Variants in SLCO2B1 observed in about 807,000 individuals in gnomAD.
The protein encoded by SLCO2B1 is solute carrier organic anion transporter family member 2B1.
SLCO2B1 carries 41 observed loss-of-function variants against 67.3 expected under a neutral mutation model. The ratio of observed to expected loss-of-function variants is 0.61; its 90% CI spans 0.47 to 0.79. The LOEUF (loss-of-function observed/expected upper bound fraction) is 0.79, where lower values mean the gene tolerates loss of function less well. Ranked by LOEUF, SLCO2B1 falls within the 30% of genes least tolerant of loss-of-function variation. The pLI, the probability that SLCO2B1 is intolerant of heterozygous loss-of-function variation, is 0.00. For missense variants in SLCO2B1, 837 were observed against 920.1 expected, an observed-to-expected ratio of 0.91 and a Z score of 1.17; for synonymous variants, 379 against 381.4, an observed-to-expected ratio of 0.99 and a Z score of 0.07.
chr11:75,163,871 A>T, intron 2 of SLCO2B1, 92 bp from the exon 3 acceptor site: 1 of 1,408,086 alleles, frequency 7.1e-7, no homozygotes, highest in Non-Finnish European at 9.5e-7. Context: ...CTGTTTCCCC[A>T]TCTCTACTCC....
intron 4 of SLCO2B1, among the ~76,000 whole-genome samples, chr11:75,167,513 C>T (rs1320594544): frequency 6.6e-6 from 1 of 152,186 alleles, no homozygotes; most frequent in Non-Finnish European, 1.5e-5. Flanking sequence ...TCTCCAAACT[C>T]CCCTCCTGTT....
At chr11:75,162,223 A>T (rs1949829555) in intron 1 of SLCO2B1, among the ~76,000 whole-genome samples, 1 of 152,116 alleles carries the variant, frequency 6.6e-6, no homozygotes, top group South Asian at 2.1e-4. Flanking sequence ...TCCTAGACTG[A>T]GCCAGACAGT....
chr11:75,163,989 G>A lies in SLCO2B1; in HGVS notation c.174G>A (p.Leu58=). 1.2e-6 allele frequency: 2 copies of A among 1,603,296 alleles called. No homozygotes were observed. Among genetic ancestry groups the A allele is most frequent in the Non-Finnish European group, 1.7e-6 (2 of 1,175,114 alleles). Residue 58 remains leucine, a synonymous_variant, in exon 3 of 14, where the codon CTG becomes CTA. Coordinates refer to ENST00000289575, the MANE Select transcript of SLCO2B1 (RefSeq NM_007256.5). ...IKLFVLCHSL[L]QLAQLMISGY... is the part of the protein sequence containing the mutation. ...TGTTCGTTCTGTGCCACAGCCTGCT[G>A]CAGCTGGCGCAGCTCATGATCTCCG... is the stretch of plus-strand genomic sequence containing the variant.
intron 4 of SLCO2B1, 141 bp from the exon 5 acceptor site, chr11:75,169,032 A>T: frequency 1.5e-6 from 1 of 648,788 alleles, no homozygotes. Context: ...AAACAGGCAT[A>T]ATGAGAGCAC....
At chr11:75,156,928 G>A (rs2140301355) in intron 1 of SLCO2B1, 1 of 152,312 alleles carries the variant, frequency 6.6e-6, no homozygotes, top group South Asian at 2.1e-4. Flanking sequence ...TCTTGGCATT[G>A]GTGGGATTTA....
chr11:75,163,060 A>G lies in SLCO2B1; in HGVS notation c.147+275A>G, dbSNP rs1949841999. 4 of 279,942 alleles carry G rather than the reference A, an allele frequency of 1.4e-5. No homozygotes were observed. The South Asian group carries it at 2.4e-4, about 17-fold the overall frequency. 17.3% of individuals were successfully genotyped at this position (279,942 alleles called of 1,614,324 possible). A position where few individuals can be genotyped will look rare whatever the true frequency, so the allele number is the denominator to read the frequency against. On this transcript the variant is annotated intron_variant, in intron 2 of 13. Coordinates refer to ENST00000289575, the MANE Select transcript of SLCO2B1 (RefSeq NM_007256.5). ...CACCCCTTGTTTCCCACTTTCCCAGAGAAACAGAGAAGTGCCCTGGGGATC... is the reference window on the plus strand; with the variant it reads ...CACCCCTTGTTTCCCACTTTCCCAGGGAAACAGAGAAGTGCCCTGGGGATC...
At chr11:75,156,263 A>G (rs1254746975) in intron 1 of SLCO2B1, among the ~76,000 whole-genome samples, 4 of 152,210 alleles carry the variant, frequency 2.6e-5, no homozygotes, top group Non-Finnish European at 5.9e-5. Flanking sequence ...GGGGGAGTAC[A>G]AGACAACCTC....
Position 75,204,558 on chromosome 11 carries a change from A to C in SLCO2B1, c.2108A>C (p.Lys703Thr). The change falls in exon 14 of 14, where the codon AAG becomes ACG. Residue 703 changes from lysine to threonine, a missense_variant. Coordinates refer to ENST00000289575, the MANE Select transcript of SLCO2B1 (RefSeq NM_007256.5). ...QQLLVSGPGK[K>T]PEDSRV The stretch of plus-strand genomic sequence containing the variant: ...TTGCTAGTGTCGGGGCCAGGGAAGA[A>C]GCCAGAGGATTCCCGAGTGTGAGCT... 6.2e-7 allele frequency: 1 copy of C among 1,611,236 alleles called. No homozygotes were observed. The highest frequency in any genetic ancestry group is 8.5e-7 in the Non-Finnish European group (1 of 1,178,948).
At chr11:75,191,834 G>A (rs1235052901) in intron 8 of SLCO2B1, among the ~76,000 whole-genome samples, 16 of 152,156 alleles carry the variant, frequency 1.1e-4, no homozygotes, top group Admixed American at 5.2e-4. Flanking sequence ...AAATGTCCTT[G>A]ACACTTTCAC....
intron 2 of SLCO2B1, 113 bp from the exon 3 acceptor site, chr11:75,163,849 CT>C: frequency 7.9e-7 from 1 of 1,271,462 alleles, no homozygotes; most frequent in Admixed American, 2.3e-5. Context: ...CCCTCTGTCT[CT>C]TTCTGTGACT....
At chr11:75,157,280 T>C (rs1837166245) in intron 1 of SLCO2B1, among the ~76,000 whole-genome samples, 1 of 152,236 alleles carries the variant, frequency 6.6e-6, no homozygotes, top group African/African-American at 2.4e-5. Context: ...AGGAAAAATA[T>C]TGCTAATGAA....
At position 75,169,680 on chromosome 11, in the gene SLCO2B1, G is replaced by GGCTTTGTGTTGTAGGGATCC; in HGVS notation, c.697_698insGCTTTGTGTTGTAGGGATCC (p.Val233GlyfsTer5). The stretch of plus-strand genomic sequence containing the variant: ...TTGTGTTGTAGGGATCCTGTTTGCA[G>GGCTTTGTGTTGTAGGGATCC]TGACCATGATGGGGCCAGGCCTGGC... On this transcript the variant is annotated stop_gained and frameshift_variant, in exon 6 of 14. Coordinates refer to ENST00000289575, the MANE Select transcript of SLCO2B1 (RefSeq NM_007256.5). LOFTEE classifies it high-confidence loss of function. The GGCTTTGTGTTGTAGGGATCC allele has an allele frequency of 6.2e-7, 1 of 1,613,088 alleles. No individual in the cohort carries two copies. The highest frequency in any genetic ancestry group is 8.5e-7 in the Non-Finnish European group (1 of 1,179,520).
In SLCO2B1 at chr11:75,175,912, A is replaced by G. The variant is rs944216543; in HGVS notation, c.972+3343A>G. Among the ~76,000 whole-genome samples the G allele has an allele frequency of 2.6e-4, 39 of 152,270 alleles. 1 individual carries two copies. The highest frequency in any genetic ancestry group is 2.6e-4 in the Non-Finnish European group (18 of 68,016). On this transcript the variant is annotated intron_variant, in intron 7 of 13. Coordinates refer to ENST00000289575, the MANE Select transcript of SLCO2B1 (RefSeq NM_007256.5). ...AGCAGTCCCCACAGAGAAGAGCAGG[A>G]CATGGGATTGGGGGAGGCCATGCAG...
At chr11:75,187,688 T>A (rs1199792312) in intron 7 of SLCO2B1, among the ~76,000 whole-genome samples, 1 of 152,144 alleles carries the variant, frequency 6.6e-6, no homozygotes, top group Non-Finnish European at 1.5e-5. Flanking sequence ...GTGGTGGTGA[T>A]CATGACAGAG....
intron 10 of SLCO2B1, among the ~76,000 whole-genome samples, chr11:75,197,513 G>A (rs943732606): frequency 1.8e-4 from 27 of 152,232 alleles, no homozygotes; most frequent in African/African-American, 6.0e-4. Flanking sequence ...GTTCATGAAG[G>A]GAAGGCAGGG....
At chr11:75,166,647 A>G (rs558313456) in intron 4 of SLCO2B1, among the ~76,000 whole-genome samples, 1 of 150,984 alleles carries the variant, frequency 6.6e-6, no homozygotes, top group Non-Finnish European at 1.5e-5. Flanking sequence ...CTACTCATCC[A>G]TCTATTTATC....
intron 7 of SLCO2B1, among the ~76,000 whole-genome samples, chr11:75,180,919 A>G (rs536995358): frequency 2.2e-4 from 34 of 152,358 alleles, no homozygotes; most frequent in Admixed American, 9.8e-4. Context: ...AAAAATATAA[A>G]TAAGAGCGAA....
At chr11:75,169,046 C>G (rs1214815343) in intron 4 of SLCO2B1, 127 bp from the exon 5 acceptor site, 9 of 725,122 alleles carry the variant, frequency 1.2e-5, no homozygotes, top group Non-Finnish European at 2.0e-5. Context: ...AGAGCACTCA[C>G]CCTTGAGGTT....
chr11:75,152,940 T>C (rs1949708444), intron 1 of SLCO2B1, among the ~76,000 whole-genome samples: 1 of 152,030 alleles, frequency 6.6e-6, no homozygotes, highest in African/African-American at 2.4e-5. Context: ...GGGGAAGCTG[T>C]CCCAGTCAGG....
Sources: allele counts gnomAD v4.1 joint callset (sites outside exome capture counted in the v4.1 genomes callset), GRCh38; gene constraint gnomAD v4.1.1; transcripts MANE v1.5; gene names NCBI Gene and HGNC (gene_info 2026-07-23, HGNC 2026-07-21).